Variants in TACR1 observed in about 807,000 individuals in gnomAD.
TACR1 encodes tachykinin receptor 1, also known as substance-P receptor.
A neutral mutation model predicts 35.8 loss-of-function variants in TACR1; 25 were observed. That is an observed-to-expected ratio of 0.70 (90% confidence interval 0.51 to 0.98). TACR1 has a LOEUF of 0.98. Among genes scored for constraint, TACR1 ranks in the 50% least tolerant of loss-of-function variants. The pLI is 0.00. For synonymous variants in TACR1, 195 were observed against 206.7 expected (o/e 0.94, Z 0.48); for missense variants, 478 against 522.9 (o/e 0.91, Z 0.84).
intron 2 of TACR1, among the ~76,000 whole-genome samples, chr2:75,067,279 A>AT (rs1672781127): frequency 6.6e-6 from 1 of 152,208 alleles, no homozygotes; most frequent in Non-Finnish European, 1.5e-5. Flanking sequence ...TTTAGGCTTT[A>AT]TAAAGGCTTC....
chr2:75,115,006 C>A (rs2103895579), intron 2 of TACR1, among the ~76,000 whole-genome samples: 1 of 152,074 alleles, frequency 6.6e-6, no homozygotes, highest in East Asian at 1.9e-4. Context: ...AACTTTGAAG[C>A]TGGTGGTTTA....
intron 1 of TACR1, among the ~76,000 whole-genome samples, chr2:75,148,640 G>A (rs985333147): frequency 6.6e-6 from 1 of 152,114 alleles, no homozygotes; most frequent in Non-Finnish European, 1.5e-5. Context: ...CAGATGGGTA[G>A]ATTGCAAAAA....
chr2:75,103,424 A>G (rs1233122319), intron 2 of TACR1, among the ~76,000 whole-genome samples: 1 of 152,204 alleles, frequency 6.6e-6, no homozygotes, highest in African/African-American at 2.4e-5. Context: ...TGTCAAAGAG[A>G]TACAGAAGCA....
At chr2:75,156,584 C>A (rs1446351258) in intron 1 of TACR1, among the ~76,000 whole-genome samples, 1 of 125,716 alleles carries the variant, frequency 8.0e-6, no homozygotes, top group Non-Finnish European at 1.6e-5. Flanking sequence ...GCCTGGGTAA[C>A]AGAGCGAGAC....
At chr2:75,084,437 C>T (rs1169129875) in intron 2 of TACR1, among the ~76,000 whole-genome samples, 1 of 152,166 alleles carries the variant, frequency 6.6e-6, no homozygotes. Context: ...TGATGTTGGC[C>T]TCATAAAATG....
At chr2:75,170,470 G>A (rs180684836) in intron 1 of TACR1, among the ~76,000 whole-genome samples, 16 of 152,268 alleles carry the variant, frequency 1.1e-4, no homozygotes, top group Non-Finnish European at 2.2e-4. Context: ...CAGTAAATTG[G>A]TACTGGTAGA....
intron 2 of TACR1, among the ~76,000 whole-genome samples, chr2:75,097,579 A>G (rs751793092): frequency 5.3e-5 from 8 of 152,178 alleles, no homozygotes; most frequent in Admixed American, 2.0e-4. Flanking sequence ...TCATCACAGA[A>G]GAGTCATCAC....
intron 1 of TACR1, among the ~76,000 whole-genome samples, chr2:75,127,086 G>A (rs1248035257): frequency 6.6e-6 from 1 of 152,116 alleles, no homozygotes; most frequent in East Asian, 1.9e-4. Flanking sequence ...TCACCCTCTG[G>A]CTCTTCTTCT....
chr2:75,104,589 C>T (rs1002095462), intron 2 of TACR1, among the ~76,000 whole-genome samples: 17 of 152,006 alleles, frequency 1.1e-4, no homozygotes, highest in Admixed American at 9.8e-4. Context: ...AATACACATT[C>T]CTTTCAAGCA....
rs531073711 is a variant in TACR1 at position 75,062,187 on chromosome 2, C to A, written c.585-8432G>T. ...TGAATGAGAGCCTTCAGGCAAAGAGCCCGAGTGCCTGAGCTTTTCTTACCT... is the reference window on the plus strand; with the variant it reads ...TGAATGAGAGCCTTCAGGCAAAGAGACCGAGTGCCTGAGCTTTTCTTACCT... On this transcript the variant is annotated intron_variant, in intron 2 of 4. Transcript: ENST00000305249. Among the ~76,000 whole-genome samples the A allele has an allele frequency of 6.0e-4, 91 of 152,198 alleles. No homozygotes were observed. The South Asian group carries it at 0.019, about 31-fold the overall frequency.
intron 1 of TACR1, among the ~76,000 whole-genome samples, chr2:75,176,847 A>G (rs954990035): frequency 3.3e-5 from 5 of 152,170 alleles, no homozygotes; most frequent in African/African-American, 1.2e-4. Flanking sequence ...TGGGCTTCTC[A>G]GTGAACAGTG....
intron 1 of TACR1, among the ~76,000 whole-genome samples, chr2:75,123,050 C>T (rs373146031): frequency 1.4e-5 from 2 of 144,352 alleles, no homozygotes; most frequent in African/African-American, 5.2e-5. Context: ...CAACCATTAT[C>T]GTTGCCGTCT....
At chr2:75,164,610 G>A (rs186350246) in intron 1 of TACR1, among the ~76,000 whole-genome samples, 1 of 152,110 alleles carries the variant, frequency 6.6e-6, no homozygotes, top group Admixed American at 6.5e-5. Context: ...GGCTCAGGCA[G>A]TTTGAAAGGT....
intron 1 of TACR1, among the ~76,000 whole-genome samples, chr2:75,170,904 A>T (rs969533443): frequency 2.0e-5 from 3 of 152,154 alleles, no homozygotes; most frequent in Non-Finnish European, 2.9e-5. Flanking sequence ...AGTCACAAAG[A>T]TATGGTTTGG....
At chr2:75,129,826 C>T (rs1317477136) in intron 1 of TACR1, among the ~76,000 whole-genome samples, 3 of 152,084 alleles carry the variant, frequency 2.0e-5, no homozygotes, top group African/African-American at 7.2e-5. Flanking sequence ...CATAGGGTGA[C>T]CATTGACTTA....
At chr2:75,152,551 C>G (rs2103968072) in intron 1 of TACR1, among the ~76,000 whole-genome samples, 1 of 152,304 alleles carries the variant, frequency 6.6e-6, no homozygotes, top group South Asian at 2.1e-4. Flanking sequence ...TTTTTCTTCC[C>G]AGTCTCAGTT....
chr2:75,085,463 C>A (rs369829818), intron 2 of TACR1, among the ~76,000 whole-genome samples: 8 of 152,166 alleles, frequency 5.3e-5, no homozygotes, highest in Admixed American at 4.6e-4. Context: ...CTAGCGCAAT[C>A]GCACTGGAGG....
chr2:75,077,595 A>G (rs1253888842), intron 2 of TACR1, among the ~76,000 whole-genome samples: 2 of 152,232 alleles, frequency 1.3e-5, no homozygotes, highest in Non-Finnish European at 1.5e-5. Context: ...AGAAGCCTGC[A>G]GGTAACAGGT....
At chr2:75,100,844 G>A (rs1673522172) in intron 2 of TACR1, among the ~76,000 whole-genome samples, 2 of 152,270 alleles carry the variant, frequency 1.3e-5, no homozygotes, top group African/African-American at 4.8e-5. Flanking sequence ...TCAGAAGAAT[G>A]CAACCTTCAA....
Sources: gnomAD v4.1 joint callset for allele counts (sites outside exome capture counted in the v4.1 genomes callset) on GRCh38, gnomAD v4.1.1 for gene constraint, MANE v1.5 for transcripts, NCBI Gene and HGNC (gene_info 2026-07-23, HGNC 2026-07-21) for gene names.